FSD2: variants seen among roughly 807,000 people sequenced by gnomAD.
The protein encoded by FSD2 is fibronectin type III and SPRY domain-containing protein 2.
Under a neutral mutation model 80.4 loss-of-function variants are expected in FSD2, and 71 were observed. The observed-to-expected ratio is 0.88, with a 90% CI of 0.73 to 1.08. FSD2 has a LOEUF of 1.08. Ranked by LOEUF, FSD2 falls within the 50% of genes least tolerant of loss-of-function variation. FSD2 has a pLI of 0.00. For missense variants in FSD2, 923 were observed against 913.8 expected, an observed-to-expected ratio of 1.01 and a Z score of -0.13; for synonymous variants, 361 against 329.5, an observed-to-expected ratio of 1.10 and a Z score of -1.03.
Position 82,769,780 on chromosome 15 carries a change from G to T in FSD2, c.1372C>A (p.Pro458Thr). The change falls in exon 8 of 13, where the codon CCC (proline) becomes ACC (threonine). Residue 458 changes from proline to threonine, a missense_variant. Transcript: ENST00000334574. The stretch of plus-strand genomic sequence containing the variant: ...ATGTACACTGCACGCTCGCTAGAGG[G>T]GCTGGGGCCAGCCCTGTTGTGAGCT... ...VTAHNRAGPS[P>T]SSERAVYMTA... 2 of 1,613,940 alleles carry T rather than the reference G, an allele frequency of 1.2e-6. No individual in the cohort carries two copies. The highest frequency in any genetic ancestry group is 1.7e-6 in the Non-Finnish European group (2 of 1,179,868).
At chr15:82,764,520 A>C (rs542704898) in intron 11 of FSD2, among the ~76,000 whole-genome samples, 1 of 53,410 alleles carries the variant, frequency 1.9e-5, no homozygotes, top group Non-Finnish European at 3.7e-5. Flanking sequence ...TTTGAGAAGG[A>C]GTCTCACTCT....
In FSD2 at chr15:82,791,994, G is replaced by A. The variant is rs578186400; in HGVS notation, c.-78-4526C>T. ...GTTTGTCCATGCATCAGTTGATTCGGGTGGCTTCCCATTTCATTTGGGTTG... is the reference window on the plus strand; with the variant it reads ...GTTTGTCCATGCATCAGTTGATTCGAGTGGCTTCCCATTTCATTTGGGTTG... On this transcript the variant is annotated intron_variant, in intron 1 of 12. Transcript: ENST00000334574. Among the ~76,000 whole-genome samples the A allele has an allele frequency of 7.2e-5, 11 of 152,260 alleles. No individual in the cohort carries two copies. The South Asian group carries it at 2.3e-3, about 32-fold the overall frequency.
rs1164360985 is a variant in FSD2 at position 82,757,291 on chromosome 15, C to T, written c.*2057G>A. ...AGCCTATTAGAACCCTGAATTCAAA[C>T]TTGCCTTCTCTGTGATATCCTGTTT... On this transcript the variant is annotated 3_prime_UTR_variant, in exon 13 of 13. Coordinates refer to ENST00000334574, the MANE Select transcript of FSD2 (RefSeq NM_001007122.4). 1 of 151,338 alleles carries T rather than the reference C, an allele frequency of 6.6e-6. No homozygotes were observed. The highest frequency in any genetic ancestry group is 6.6e-5 in the Admixed American group (1 of 15,212). The allele number at this position is 151,338 out of a possible 1,614,324, so 9.4% of individuals were successfully genotyped here.
intron 1 of FSD2, among the ~76,000 whole-genome samples, chr15:82,793,699 A>G (rs548009967): frequency 4.6e-5 from 7 of 152,206 alleles, no homozygotes; most frequent in African/African-American, 1.4e-4. Flanking sequence ...TAGATTGCCT[A>G]TTTCTTCTTG....
intron 6 of FSD2, among the ~76,000 whole-genome samples, chr15:82,773,399 C>T (rs2049634655): frequency 6.6e-6 from 1 of 152,154 alleles, no homozygotes; most frequent in Non-Finnish European, 1.5e-5. Context: ...CCCTGCTAGA[C>T]GCTGTCAAAT....
Position 82,756,034 on chromosome 15 carries a change from G to A in FSD2, c.*3314C>T, listed in dbSNP as rs758202597. ...AAGGTAGATAGAACAGGTCTTGTTT[G>A]CAAAATAAATTCAAGACCTACTTAT... is the stretch of plus-strand genomic sequence containing the variant. On this transcript the variant is annotated 3_prime_UTR_variant, in exon 13 of 13. Coordinates refer to ENST00000334574, the MANE Select transcript of FSD2 (RefSeq NM_001007122.4). 2.0e-6 allele frequency: 1 copy of A among 507,040 alleles called. No homozygotes were observed. Among genetic ancestry groups the A allele is most frequent in the Non-Finnish European group, 3.9e-6 (1 of 253,280 alleles). 31.4% of individuals were successfully genotyped at this position (507,040 alleles called of 1,614,324 possible).
intron 1 of FSD2, among the ~76,000 whole-genome samples, chr15:82,799,306 G>C (rs961909258): frequency 2.0e-5 from 3 of 151,966 alleles, no homozygotes; most frequent in African/African-American, 4.8e-5. Context: ...TGTGTCCCCC[G>C]GCTCAGCTGG....
chr15:82,761,958 A>T, intron 12 of FSD2, 144 bp downstream of exon 12: 1 of 723,770 alleles, frequency 1.4e-6, no homozygotes, highest in Non-Finnish European at 2.1e-6. Context: ...CTTGGACTTT[A>T]GGGAAAGTGG....
At position 82,757,166 on chromosome 15, in the gene FSD2, C is replaced by T. The variant is rs2049193287; in HGVS notation, c.*2182G>A. The stretch of plus-strand genomic sequence containing the variant: ...ATTTTAAATGTCAGGCAATTCTAGA[C>T]AGTTTTTTCTTGGTCAAATAAAAAT... On this transcript the variant is annotated 3_prime_UTR_variant, in exon 13 of 13. Transcript: ENST00000334574. The T allele has an allele frequency of 6.6e-6, 1 of 152,132 alleles. No individual in the cohort carries two copies. Among genetic ancestry groups the T allele is most frequent in the African/African-American group, 2.4e-5 (1 of 41,438 alleles). 9.4% of individuals were successfully genotyped at this position (152,132 alleles called of 1,614,324 possible). A position where few individuals can be genotyped will look rare whatever the true frequency, so the allele number is the denominator to read the frequency against.
At position 82,779,510 on chromosome 15, in the gene FSD2, C is replaced by CA. The variant is rs2049801194; in HGVS notation, c.990-624dup. On this transcript the variant is annotated intron_variant, in intron 5 of 12. Transcript: ENST00000334574. ...TGAAACTCCGTCTCTACTAAAAATA[C>CA]AAAAAAATTAGCCAGGATGGTGGGG... is the stretch of plus-strand genomic sequence containing the variant. 2.0e-5 allele frequency among the ~76,000 whole-genome samples: 3 copies of CA among 151,790 alleles called. No individual in the cohort carries two copies. In the South Asian group the frequency reaches 6.2e-4, roughly 32 times the overall value.
At chr15:82,760,592 C>CTG (rs74715028) in intron 12 of FSD2, among the ~76,000 whole-genome samples, 7 of 152,072 alleles carry the variant, frequency 4.6e-5, no homozygotes, top group African/African-American at 1.7e-4. Context: ...CTGCCAGAAG[C>CTG]TATGAGTCGT....
chr15:82,786,993 C>T lies in FSD2; in HGVS notation c.398G>A (p.Gly133Asp), dbSNP rs1402915877. 1 of 1,613,924 alleles carries T rather than the reference C, an allele frequency of 6.2e-7. No homozygotes were observed. Among genetic ancestry groups the T allele is most frequent in the Admixed American group, 1.7e-5 (1 of 60,006 alleles). ...GCCTGCTGAGCCCCACCCTCCGAAG[C>T]CCAGGTCCTCGGCCTCCGCTGCCTC... ...SGEAAEAEDL[G>D]FGGWGSAGQC... Residue 133 changes from glycine to aspartate, a missense_variant, in exon 2 of 13, where the codon GGC becomes GAC. Transcript: ENST00000334574.
Position 82,758,607 on chromosome 15 carries a change from G to A in FSD2, c.*741C>T, listed in dbSNP as rs1047305998. ...AGCCCTGCCATCCTTCACATGGAGA[G>A]CAGTAAGAGGCCAAAGAGCAGTGGC... On this transcript the variant is annotated 3_prime_UTR_variant, in exon 13 of 13. Coordinates refer to ENST00000334574, the MANE Select transcript of FSD2 (RefSeq NM_001007122.4). The A allele has an allele frequency of 1.3e-5, 2 of 153,018 alleles. No homozygotes were observed. Among genetic ancestry groups the A allele is most frequent in the Non-Finnish European group, 1.5e-5 (1 of 68,066 alleles). 9.5% of individuals were successfully genotyped at this position (153,018 alleles called of 1,614,324 possible).
chr15:82,780,337 CTTTTT>C, intron 4 of FSD2, 70 bp from the exon 5 acceptor site: 2 of 887,302 alleles, frequency 2.3e-6, no homozygotes, highest in Non-Finnish European at 3.2e-6. Flanking sequence ...TTCTTTCTTT[CTTTTT>C]TTTTTTTTCT....
intron 6 of FSD2, among the ~76,000 whole-genome samples, chr15:82,774,504 C>T (rs961183204): frequency 6.6e-6 from 1 of 152,168 alleles, no homozygotes; most frequent in African/African-American, 2.4e-5. Context: ...AACCAAGACT[C>T]AGAGAGGTTA....
chr15:82,791,020 G>A (rs2050136659), intron 1 of FSD2, among the ~76,000 whole-genome samples: 2 of 151,024 alleles, frequency 1.3e-5, no homozygotes, highest in South Asian at 2.1e-4. Flanking sequence ...TTTTTTTGAG[G>A]CGGAGTCTCG....
intron 7 of FSD2, among the ~76,000 whole-genome samples, chr15:82,771,172 G>A (rs2049560900): frequency 6.6e-6 from 1 of 152,146 alleles, no homozygotes; most frequent in South Asian, 2.1e-4. Context: ...GCATGGTCTG[G>A]TACAATGAGC....
intron 1 of FSD2, among the ~76,000 whole-genome samples, chr15:82,798,497 T>TC (rs1436155946): frequency 6.6e-6 from 1 of 152,232 alleles, no homozygotes; most frequent in Non-Finnish European, 1.5e-5. Flanking sequence ...AAATCTAATG[T>TC]CTTTTTTTAA....
chr15:82,790,973 T>C (rs1160688412), intron 1 of FSD2, among the ~76,000 whole-genome samples: 2 of 151,954 alleles, frequency 1.3e-5, no homozygotes, highest in South Asian at 2.1e-4. Context: ...ATGTATACTT[T>C]AGTGGTTTCG....
Sources: allele counts gnomAD v4.1 joint callset (sites outside exome capture counted in the v4.1 genomes callset), GRCh38; gene constraint gnomAD v4.1.1; transcripts MANE v1.5; gene names NCBI Gene and HGNC (gene_info 2026-07-23, HGNC 2026-07-21).